SEC62: variants seen among roughly 807,000 people sequenced by gnomAD.
The protein encoded by SEC62 is SEC62 preprotein translocation factor, also known as translocation protein SEC62.
A neutral mutation model predicts 47.5 loss-of-function variants in SEC62; 10 were observed. The observed-to-expected ratio is 0.21, with a 90% CI of 0.13 to 0.36. The LOEUF is 0.36. Ranked by LOEUF, SEC62 falls within the 10% of genes least tolerant of loss-of-function variation. The pLI, the probability that SEC62 is intolerant of heterozygous loss-of-function variation, is 1.00. For synonymous variants in SEC62, 136 were observed against 150.5 expected, an observed-to-expected ratio of 0.90 and a Z score of 0.71; for missense variants, 327 against 464.1, an observed-to-expected ratio of 0.70 and a Z score of 2.71.
intron 3 of SEC62, among the ~76,000 whole-genome samples, chr3:169,981,816 A>G (rs971218277): frequency 2.0e-5 from 3 of 152,192 alleles, no homozygotes; most frequent in Non-Finnish European, 4.4e-5. Flanking sequence ...TACAAATTAT[A>G]TAGTGAGTTA....
rs537072870 is a variant in SEC62, at chr3:169,997,240, A to G, written c.*4177A>G. ...ATACTTTAATTGCATGGCTTTTCCAATCAGACGAAATTTCAGTCTGAGAGA... is the reference window on the plus strand; with the variant it reads ...ATACTTTAATTGCATGGCTTTTCCAGTCAGACGAAATTTCAGTCTGAGAGA... On this transcript the variant is annotated 3_prime_UTR_variant, in exon 8 of 8. Coordinates refer to ENST00000337002, the MANE Select transcript of SEC62 (RefSeq NM_003262.4). The G allele has an allele frequency of 3.3e-5, 5 of 152,332 alleles. No individual in the cohort carries two copies. In the East Asian group the frequency reaches 9.6e-4, roughly 29 times the overall value. 9.4% of individuals were successfully genotyped at this position (152,332 alleles called of 1,614,324 possible).
intron 1 of SEC62, among the ~76,000 whole-genome samples, chr3:169,967,812 T>C (rs976636254): frequency 6.6e-6 from 1 of 152,190 alleles, no homozygotes; most frequent in African/African-American, 2.4e-5. Context: ...GTTACATTCA[T>C]CATTGCCTTT....
In SEC62 at chr3:169,976,027, A is replaced by G. The variant is rs565673569; in HGVS notation, c.145+311A>G. On this transcript the variant is annotated intron_variant, in intron 2 of 7. Transcript: ENST00000337002. ...AGCACTGGCTTTTTTTCCCCAAACA[A>G]TGTCATTATAAGCTGATGTCATTTA... 5.9e-5 allele frequency among the ~76,000 whole-genome samples: 9 copies of G among 152,306 alleles called. No homozygotes were observed. The East Asian group carries it at 1.7e-3, about 29-fold the overall frequency.
intron 3 of SEC62, among the ~76,000 whole-genome samples, chr3:169,982,458 T>G (rs1241486160): frequency 6.6e-6 from 1 of 152,146 alleles, no homozygotes. Flanking sequence ...CTTTTATACT[T>G]AAGGTACATC....
At chr3:169,984,859 C>T (rs1429364276) in intron 5 of SEC62, among the ~76,000 whole-genome samples, 1 of 151,960 alleles carries the variant, frequency 6.6e-6, no homozygotes, top group African/African-American at 2.4e-5. Context: ...AGAAATAAAA[C>T]TGAGTTTTAT....
At chr3:169,970,742 G>A (rs1018398499) in intron 1 of SEC62, among the ~76,000 whole-genome samples, 2 of 152,168 alleles carry the variant, frequency 1.3e-5, no homozygotes, top group Non-Finnish European at 1.5e-5. Flanking sequence ...TTGTAAGACA[G>A]TTGTGTTCAT....
intron 3 of SEC62, among the ~76,000 whole-genome samples, chr3:169,979,615 G>A (rs993412276): frequency 6.6e-6 from 1 of 151,992 alleles, no homozygotes; most frequent in Non-Finnish European, 1.5e-5. Flanking sequence ...TCCCTAAACG[G>A]TTCTGTTTCC....
rs1715282410 is a variant in SEC62, at chr3:169,992,968, G to C, written c.1105G>C (p.Glu369Gln). The change falls in exon 8 of 8, where the codon GAG (glutamate) becomes CAG (glutamine). Residue 369 changes from glutamate (E) to glutamine (Q), a missense_variant. Physicochemically the swap from Glu to Gln is conservative, Grantham distance 29. Transcript: ENST00000337002. This position sits in a 1 kb window ranked among gnomAD's most constrained non-coding sequence, Gnocchi z 4.0. ...AAATGATTTTGAAATGATAACAAAA[G>C]AGGAACTGGAACAGCAAACAGATGG... ...NGNDFEMITKEELEQQTDGDC... is the reference protein window; with the variant it reads ...NGNDFEMITKQELEQQTDGDC... 2 of 1,613,836 alleles carry C rather than the reference G, an allele frequency of 1.2e-6. No individual in the cohort carries two copies. The highest frequency in any genetic ancestry group is 1.7e-6 in the Non-Finnish European group (2 of 1,179,928).
intron 7 of SEC62, among the ~76,000 whole-genome samples, chr3:169,991,000 C>A (rs963209963): frequency 2.0e-5 from 3 of 152,162 alleles, no homozygotes; most frequent in Non-Finnish European, 4.4e-5. Flanking sequence ...ACATAATCAT[C>A]ATGACCTTTT....
intron 3 of SEC62, 48 bp downstream of exon 3, chr3:169,977,099 C>T (rs1714854708): frequency 7.5e-7 from 1 of 1,330,420 alleles, no homozygotes; most frequent in East Asian, 2.4e-5. Flanking sequence ...TTTAAATTTT[C>T]TTCATAGTCC....
intron 1 of SEC62, among the ~76,000 whole-genome samples, 159 bp downstream of exon 1, chr3:169,967,017 G>A (rs559301921): frequency 4.6e-5 from 7 of 152,342 alleles, no homozygotes; most frequent in South Asian, 2.1e-4. Flanking sequence ...CGCGTTGTGA[G>A]GGGCCTGAGG....
At position 169,998,081 on chromosome 3, in the gene SEC62, A is replaced by G. The variant is rs1715429129; in HGVS notation, c.*5018A>G. On this transcript the variant is annotated 3_prime_UTR_variant, in exon 8 of 8. Transcript: ENST00000337002. ...ACTAAATTTTAGTTTTAGGCTAGTG[A>G]AATTAAAGTTAATTTTTCCCATCCA... The G allele has an allele frequency of 6.6e-6, 1 of 152,216 alleles. No homozygotes were observed. The highest frequency in any genetic ancestry group is 1.5e-5 in the Non-Finnish European group (1 of 68,038). The allele number at this position is 152,216 out of a possible 1,614,324, so 9.4% of individuals were successfully genotyped here.
In SEC62 at chr3:169,994,155, T is replaced by A. The variant is rs1290838127; in HGVS notation, c.*1092T>A. 6.6e-6 allele frequency: 1 copy of A among 152,600 alleles called. No individual in the cohort carries two copies. The highest frequency in any genetic ancestry group is 2.4e-5 in the African/African-American group (1 of 41,456). The allele number at this position is 152,600 out of a possible 1,614,324, so 9.5% of individuals were successfully genotyped here. A position where few individuals can be genotyped will look rare whatever the true frequency, so the allele number is the denominator to read the frequency against. On this transcript the variant is annotated 3_prime_UTR_variant, in exon 8 of 8. Coordinates refer to ENST00000337002, the MANE Select transcript of SEC62 (RefSeq NM_003262.4). The stretch of plus-strand genomic sequence containing the variant: ...CTATTCTAAAATATCAAATTTAAAA[T>A]AAAGATAATGAAAGAAAACATAAGA...
intron 1 of SEC62, among the ~76,000 whole-genome samples, chr3:169,974,766 T>C (rs1714788998): frequency 6.6e-6 from 1 of 152,158 alleles, no homozygotes; most frequent in African/African-American, 2.4e-5. Context: ...AGAATACAAA[T>C]TGTCATTGTG....
chr3:169,988,155 T>C (rs1370464309), intron 6 of SEC62, 85 bp from the exon 7 acceptor site: 2 of 1,472,440 alleles, frequency 1.4e-6, no homozygotes, highest in South Asian at 1.2e-5. Flanking sequence ...TCTCAGTTTT[T>C]CCCCCAGGGA....
rs374938132 is a variant in SEC62 at position 169,982,527 on chromosome 3, C to T, written c.252-180C>T. The T allele has an allele frequency of 1.7e-4, 111 of 641,996 alleles. 1 individual carries two copies. The African/African-American group carries it at 1.9e-3, about 11-fold the overall frequency. 39.8% of individuals were successfully genotyped at this position (641,996 alleles called of 1,614,324 possible). On this transcript the variant is annotated intron_variant, in intron 3 of 7. Transcript: ENST00000337002. ...GTTTTGACAACTTTTATATAATTGA[C>T]TGTAAAGTGTTTTGATTTAGTGGTA...
At chr3:169,966,948 A>C in intron 1 of SEC62, 90 bp downstream of exon 1, 1 of 161,392 alleles carries the variant, frequency 6.2e-6, no homozygotes, top group Non-Finnish European at 1.4e-5. Flanking sequence ...AGCGAAAGCA[A>C]GGGCGAGGTG....
In SEC62 at chr3:169,997,562, G is replaced by T. The variant is rs1054436048; in HGVS notation, c.*4499G>T. On this transcript the variant is annotated 3_prime_UTR_variant, in exon 8 of 8. Transcript: ENST00000337002. ...CTCACTGCAACCTCCGCCTCCTGAG[G>T]TTCAAGTGATCCTCCTGCCTCAGCC... The T allele has an allele frequency of 1.3e-5, 2 of 152,198 alleles. No individual in the cohort carries two copies. Among genetic ancestry groups the T allele is most frequent in the Non-Finnish European group, 2.9e-5 (2 of 68,090 alleles). The allele number at this position is 152,198 out of a possible 1,614,324, so 9.4% of individuals were successfully genotyped here. A position where few individuals can be genotyped will look rare whatever the true frequency, so the allele number is the denominator to read the frequency against.
At chr3:169,973,566 G>A (rs1312030637) in intron 1 of SEC62, among the ~76,000 whole-genome samples, 7 of 151,836 alleles carry the variant, frequency 4.6e-5, no homozygotes, top group Admixed American at 4.6e-4. Flanking sequence ...GGGAGGCTGA[G>A]GCATGAGAAT....
Sources: allele counts gnomAD v4.1 joint callset (sites outside exome capture counted in the v4.1 genomes callset), GRCh38; gene constraint gnomAD v4.1.1; non-coding constraint Gnocchi (gnomAD v3.1); transcripts MANE v1.5; gene names NCBI Gene and HGNC (gene_info 2026-07-23, HGNC 2026-07-21).